Variants in VPS13D observed in about 807,000 individuals in gnomAD.
VPS13D encodes the protein intermembrane lipid transfer protein VPS13D.
Under a neutral mutation model 461.9 loss-of-function variants are expected in VPS13D, and 187 were observed. The ratio of observed to expected loss-of-function variants is 0.40; its 90% CI spans 0.36 to 0.46. VPS13D has a LOEUF of 0.46. VPS13D is among the 20% of genes least tolerant of loss of function. VPS13D has a pLI of 0.60. For synonymous variants in VPS13D, 1,951 were observed against 1,986.3 expected (o/e 0.98, Z 0.47); for missense variants, 4,711 against 5,364.9 (o/e 0.88, Z 3.81).
chr1:12,407,723 C>G (rs1644673491), intron 63 of VPS13D, among the ~76,000 whole-genome samples: 1 of 151,998 alleles, frequency 6.6e-6, no homozygotes, highest in Non-Finnish European at 1.5e-5. Context: ...ACTTAAGGGC[C>G]AGAATATTTC....
chr1:12,404,044 G>A (rs1644615379), intron 63 of VPS13D, 71 bp downstream of exon 63: 4 of 1,374,234 alleles, frequency 2.9e-6, no homozygotes, highest in Non-Finnish European at 2.9e-6. Context: ...TTTACTATTT[G>A]TTGTTTGTTG....
chr1:12,317,598 G>A (rs956349610), intron 30 of VPS13D, among the ~76,000 whole-genome samples: 2 of 151,470 alleles, frequency 1.3e-5, no homozygotes, highest in South Asian at 4.2e-4. Flanking sequence ...TGTCTCCAAG[G>A]GCCAGGTGCA....
intron 28 of VPS13D, 48 bp from the exon 29 acceptor site, chr1:12,311,765 T>C: frequency 6.3e-7 from 1 of 1,592,874 alleles, no homozygotes; most frequent in Non-Finnish European, 8.6e-7. Flanking sequence ...AGCCTGTTTT[T>C]AGGATGGCAT....
intron 67 of VPS13D, among the ~76,000 whole-genome samples, chr1:12,493,776 T>C (rs1315093595): frequency 6.6e-6 from 1 of 152,256 alleles, no homozygotes; most frequent in Non-Finnish European, 1.5e-5. Flanking sequence ...GCTTTTTACA[T>C]TATTTTAGTA....
chr1:12,261,720 A>T (rs1641114978), intron 12 of VPS13D, among the ~76,000 whole-genome samples, 181 bp from the exon 13 acceptor site: 1 of 152,240 alleles, frequency 6.6e-6, no homozygotes, highest in African/African-American at 2.4e-5. Context: ...CCCTTAAAAA[A>T]CAATTAGGGT....
intron 44 of VPS13D, among the ~76,000 whole-genome samples, chr1:12,347,501 C>CT (rs1643701615): frequency 1.3e-5 from 2 of 152,118 alleles, no homozygotes; most frequent in African/African-American, 4.8e-5. Context: ...CTGGCTTTGA[C>CT]TATTGGGGCC....
intron 67 of VPS13D, among the ~76,000 whole-genome samples, chr1:12,468,768 C>CA: frequency 6.6e-6 from 1 of 152,320 alleles, no homozygotes; most frequent in Non-Finnish European, 1.5e-5. Context: ...CGCGGTGGCT[C>CA]ACGCCTGTAA....
intron 67 of VPS13D, among the ~76,000 whole-genome samples, chr1:12,493,071 GTT>G (rs199981849): frequency 6.4e-5 from 9 of 139,930 alleles, no homozygotes; most frequent in South Asian, 2.3e-4. Flanking sequence ...GAGTGATGGA[GTT>G]TTTTTTTTTT....
chr1:12,319,408 GTGGAAA>G, intron 31 of VPS13D, 83 bp from the exon 32 acceptor site: 1 of 1,564,864 alleles, frequency 6.4e-7, no homozygotes, highest in Non-Finnish European at 8.7e-7. Flanking sequence ...TTGTTGCCTG[GTGGAAA>G]TGCGCTCGCT....
chr1:12,441,341 C>G (rs774247252), intron 65 of VPS13D, among the ~76,000 whole-genome samples: 1 of 152,200 alleles, frequency 6.6e-6, no homozygotes, highest in Non-Finnish European at 1.5e-5. Context: ...GTTTCAGGCA[C>G]TGTCCGGGGC....
intron 67 of VPS13D, among the ~76,000 whole-genome samples, chr1:12,466,814 A>C (rs1428845831): frequency 6.6e-6 from 1 of 152,262 alleles, no homozygotes; most frequent in Non-Finnish European, 1.5e-5. Context: ...TGTCAGTTTC[A>C]TCACGAAAAA....
intron 67 of VPS13D, among the ~76,000 whole-genome samples, chr1:12,496,745 A>G (rs1490238176): frequency 6.6e-6 from 1 of 152,244 alleles, no homozygotes; most frequent in Non-Finnish European, 1.5e-5. Flanking sequence ...CTGTGTGGAA[A>G]AAGACAACAT....
intron 24 of VPS13D, among the ~76,000 whole-genome samples, chr1:12,298,058 A>G (rs1019127676): frequency 6.6e-6 from 1 of 152,162 alleles, no homozygotes; most frequent in East Asian, 1.9e-4. Flanking sequence ...CTGAAAAGAT[A>G]TGGTGTTGAT....
At chr1:12,489,684 C>T (rs1415969314) in intron 67 of VPS13D, among the ~76,000 whole-genome samples, 2 of 152,160 alleles carry the variant, frequency 1.3e-5, no homozygotes, top group Non-Finnish European at 2.9e-5. Context: ...TAGGGTTCCT[C>T]GTGTGCACCC....
chr1:12,304,536 A>G lies in VPS13D; in HGVS notation c.6247A>G (p.Ile2083Val), dbSNP rs1642509299. 1 of 1,614,030 alleles carries G rather than the reference A, an allele frequency of 6.2e-7. No individual in the cohort carries two copies. The highest frequency in any genetic ancestry group is 8.5e-7 in the Non-Finnish European group (1 of 1,179,982). The change falls in exon 26 of 70, where the codon ATT (isoleucine) becomes GTT (valine). Residue 2083 changes from isoleucine to valine, a missense_variant. Ile to Val is a conservative substitution (Grantham distance 29). Transcript: ENST00000620676. ...ESVPSASPTG[I>V]PKHSLRKTTS... ...TGTGCCTTCAGCTTCCCCAACGGGT[A>G]TTCCCAAACACAGTCTGAGGAAAAC...
chr1:12,492,369 A>G (rs1201115582), intron 67 of VPS13D, among the ~76,000 whole-genome samples: 1 of 152,254 alleles, frequency 6.6e-6, no homozygotes, highest in Non-Finnish European at 1.5e-5. Flanking sequence ...GCAAAGATTC[A>G]AGAGTCTAGA....
intron 59 of VPS13D, among the ~76,000 whole-genome samples, chr1:12,385,963 G>T (rs1042891322): frequency 5.9e-5 from 9 of 152,128 alleles, no homozygotes; most frequent in African/African-American, 2.2e-4. Context: ...CACATACTCT[G>T]GAGTTCTCGT....
At chr1:12,489,830 A>C (rs1645851859) in intron 67 of VPS13D, among the ~76,000 whole-genome samples, 1 of 152,116 alleles carries the variant, frequency 6.6e-6, no homozygotes, top group Non-Finnish European at 1.5e-5. Flanking sequence ...CATTACCCCC[A>C]CTTTATAGAT....
At chr1:12,430,019 G>A (rs1644971573) in intron 65 of VPS13D, among the ~76,000 whole-genome samples, 1 of 152,170 alleles carries the variant, frequency 6.6e-6, no homozygotes, top group African/African-American at 2.4e-5. Flanking sequence ...AACCTTAATT[G>A]TTTTCACTGA....
Sources: allele counts gnomAD v4.1 joint callset (sites outside exome capture counted in the v4.1 genomes callset), GRCh38; gene constraint gnomAD v4.1.1; transcripts MANE v1.5; gene names NCBI Gene and HGNC (gene_info 2026-07-23, HGNC 2026-07-21).